ESCO1: variants seen among roughly 807,000 people sequenced by gnomAD.
ESCO1 encodes the protein N-acetyltransferase ESCO1.
Under a neutral mutation model 83.5 loss-of-function variants are expected in ESCO1, and 33 were observed. That is an observed-to-expected ratio of 0.40 (90% CI 0.30 to 0.53). The LOEUF is 0.53. Ranked by LOEUF, ESCO1 falls within the 20% of genes least tolerant of loss-of-function variation. The pLI, the probability that ESCO1 is intolerant of heterozygous loss-of-function variation, is 0.63. For missense variants in ESCO1, 855 were observed against 968.0 expected (o/e 0.88, Z 1.55); for synonymous variants, 332 against 324.3 (o/e 1.02, Z -0.25).
Position 21,566,152 on chromosome 18 carries a change from T to C in ESCO1, c.1700A>G (p.Asp567Gly). ...ILSNQTSKSS[D>G]NRETPRNHSL... ...AATTTAATTAATAGCTTACCTGTTATCACTGCTTTTAGATGTCTGGTTACT... is the reference window on the plus strand; with the variant it reads ...AATTTAATTAATAGCTTACCTGTTACCACTGCTTTTAGATGTCTGGTTACT... The change falls in exon 6 of 12, where the codon GAT becomes GGT. Residue 567 changes from aspartate to glycine, a missense_variant. By Grantham distance (94) the Asp-to-Gly change is moderately conservative (BLOSUM62 -1). Transcript: ENST00000269214. 6.2e-7 allele frequency: 1 copy of C among 1,612,780 alleles called. No individual in the cohort carries two copies. The highest frequency in any genetic ancestry group is 1.3e-5 in the African/African-American group (1 of 74,996).
chr18:21,588,780 G>GTCA (rs1417728521), intron 1 of ESCO1, among the ~76,000 whole-genome samples: 11 of 152,000 alleles, frequency 7.2e-5, no homozygotes, highest in African/African-American at 2.4e-4. Flanking sequence ...GCCGGGCATG[G>GTCA]TGGCGTTCAC....
rs1568106926 is a variant in ESCO1, at chr18:21,574,213, G to C, written c.631C>G (p.Gln211Glu). ...PKGKKRKVEHQTACACSSQCT... is the reference protein window; with the variant it reads ...PKGKKRKVEHETACACSSQCT... ...TGAGAACTACAAGCACAAGCTGTCT[G>C]ATGTTCTACCTTGCGTTTTTTCCCT... The change falls in exon 4 of 12, where the codon CAG becomes GAG. Residue 211 changes from glutamine to glutamate, a missense_variant. Physicochemically the swap from Gln to Glu is conservative, Grantham distance 29. Coordinates refer to ENST00000269214, the MANE Select transcript of ESCO1 (RefSeq NM_052911.3). 1 of 1,613,834 alleles carries C rather than the reference G, an allele frequency of 6.2e-7. No individual in the cohort carries two copies. The highest frequency in any genetic ancestry group is 8.5e-7 in the Non-Finnish European group (1 of 1,180,014).
In ESCO1 at chr18:21,575,219, G is replaced by A. The variant is rs973644427; in HGVS notation, c.-376C>T. ...CAGGCCTAGCTCTATTACTGGAGGAGTTATTTATCAGTGACCTGTTTTGAT... is the reference window on the plus strand; with the variant it reads ...CAGGCCTAGCTCTATTACTGGAGGAATTATTTATCAGTGACCTGTTTTGAT... On this transcript the variant is annotated 5_prime_UTR_variant, in exon 4 of 12. Coordinates refer to ENST00000269214, the MANE Select transcript of ESCO1 (RefSeq NM_052911.3). The A allele has an allele frequency of 2.6e-6, 1 of 383,956 alleles. No individual in the cohort carries two copies. The allele number at this position is 383,956 out of a possible 1,614,324, so 23.8% of individuals were successfully genotyped here.
At chr18:21,598,634 G>A (rs768942727) in intron 1 of ESCO1, among the ~76,000 whole-genome samples, 9 of 151,984 alleles carry the variant, frequency 5.9e-5, no homozygotes, top group African/African-American at 9.7e-5. Context: ...CCCAGGAGGC[G>A]GAGATTGCAG....
chr18:21,530,484 G>A lies in ESCO1; in HGVS notation c.2382C>T (p.Asn794=). ...ASRMIECLRS[N]FIYGSYLSKE... is the part of the protein sequence containing the mutation. ...TGCTCAAATATGAGCCATATATAAA[G>A]TTACTCCTATTAAAAAAAAATGGGG... Residue 794 remains asparagine, a synonymous_variant, in exon 12 of 12, where the codon AAC becomes AAT. Coordinates refer to ENST00000269214, the MANE Select transcript of ESCO1 (RefSeq NM_052911.3). The A allele has an allele frequency of 9.3e-7, 1 of 1,075,680 alleles. No homozygotes were observed. Among genetic ancestry groups the A allele is most frequent in the Non-Finnish European group, 1.3e-6 (1 of 784,524 alleles). The allele number at this position is 1,075,680 out of a possible 1,614,324, so 66.6% of individuals were successfully genotyped here. A position where few individuals can be genotyped will look rare whatever the true frequency, so the allele number is the denominator to read the frequency against.
At chr18:21,582,754 C>G (rs1282576575) in intron 2 of ESCO1, among the ~76,000 whole-genome samples, 6 of 152,174 alleles carry the variant, frequency 3.9e-5, no homozygotes, top group Non-Finnish European at 8.8e-5. Context: ...TCATTTTTCA[C>G]CTATCAAACT....
At chr18:21,536,280 G>C in intron 9 of ESCO1, 95 bp from the exon 10 acceptor site, 1 of 1,356,140 alleles carries the variant, frequency 7.4e-7, no homozygotes, top group Admixed American at 2.2e-5. Context: ...TTTATTCCAA[G>C]CAGGGCATCC....
At chr18:21,589,010 G>C (rs554221375) in intron 1 of ESCO1, among the ~76,000 whole-genome samples, 1 of 152,188 alleles carries the variant, frequency 6.6e-6, no homozygotes, top group Non-Finnish European at 1.5e-5. Context: ...GGGAGGCCGA[G>C]GTGGGCAGGT....
At chr18:21,589,418 T>C (rs2038630312) in intron 1 of ESCO1, among the ~76,000 whole-genome samples, 1 of 151,846 alleles carries the variant, frequency 6.6e-6, no homozygotes, top group Non-Finnish European at 1.5e-5. Context: ...TTTTTCTTTG[T>C]TATTTATTTA....
intron 8 of ESCO1, among the ~76,000 whole-genome samples, chr18:21,547,042 C>G (rs2037982829): frequency 6.6e-6 from 1 of 152,194 alleles, no homozygotes; most frequent in African/African-American, 2.4e-5. Context: ...GCTCTATACC[C>G]TTCTGAGCTC....
Position 21,564,290 on chromosome 18 carries a change from A to G in ESCO1, c.1734T>C (p.Pro578=), listed in dbSNP as rs2146201662. 4 of 1,611,096 alleles carry G rather than the reference A, an allele frequency of 2.5e-6. No individual in the cohort carries two copies. The highest frequency in any genetic ancestry group is 3.4e-6 in the Non-Finnish European group (4 of 1,178,728). Reference sequence around the variant, plus strand: ...TTATCTCCAAATGGGAATTACACTTAGGCAAAGAATGATTTCGTGGTGTCT... The same window carrying G: ...TTATCTCCAAATGGGAATTACACTTGGGCAAAGAATGATTTCGTGGTGTCT... ...NRETPRNHSL[P]KCNSHLEITI... Residue 578 remains proline (P), a synonymous_variant, in exon 7 of 12, where the codon CCT becomes CCC. Transcript: ENST00000269214.
intron 6 of ESCO1, among the ~76,000 whole-genome samples, chr18:21,564,738 C>T (rs2038236768): frequency 6.6e-6 from 1 of 151,806 alleles, no homozygotes; most frequent in Non-Finnish European, 1.5e-5. Context: ...ATTTCAGCTT[C>T]AAGAGAGGGA....
rs1176352180 is a variant in ESCO1, at chr18:21,532,625, G to C, written c.2223C>G (p.Ile741Met). The C allele has an allele frequency of 6.2e-7, 1 of 1,614,100 alleles. No individual in the cohort carries two copies. The highest frequency in any genetic ancestry group is 8.5e-7 in the Non-Finnish European group (1 of 1,180,002). ...YRVIEEKLPV[I>M]RSEEEKVRFE... The stretch of plus-strand genomic sequence containing the variant: ...ATCTGACTTTTTCTTCTTCTGACCT[G>C]ATAACTGGAAGTTTCTCTTCTATAA... The change falls in exon 11 of 12, where the codon ATC becomes ATG. Residue 741 changes from isoleucine (I) to methionine (M), a missense_variant. By Grantham distance (10) the Ile-to-Met change is conservative (BLOSUM62 1). Transcript: ENST00000269214.
chr18:21,553,072 T>C (rs1006728694), intron 8 of ESCO1, among the ~76,000 whole-genome samples: 1 of 152,168 alleles, frequency 6.6e-6, no homozygotes, highest in Non-Finnish European at 1.5e-5. Flanking sequence ...AGAGAACTGA[T>C]TGAGCTCAGG....
intron 1 of ESCO1, among the ~76,000 whole-genome samples, chr18:21,595,601 G>A (rs1265643069): frequency 6.6e-6 from 1 of 151,662 alleles, no homozygotes; most frequent in African/African-American, 2.4e-5. Flanking sequence ...CCGGGAGGCA[G>A]AGCTTGCAGT....
At chr18:21,549,148 T>A (rs572501451) in intron 8 of ESCO1, among the ~76,000 whole-genome samples, 1 of 152,232 alleles carries the variant, frequency 6.6e-6, no homozygotes, top group Non-Finnish European at 1.5e-5. Context: ...TATAAAACCC[T>A]GCTCTAATTT....
rs150422562 is a variant in ESCO1, at chr18:21,567,117, TAA to T, written c.1645+861_1645+862del. On this transcript the variant is annotated intron_variant, in intron 5 of 11. Coordinates refer to ENST00000269214, the MANE Select transcript of ESCO1 (RefSeq NM_052911.3). ...ATACCCTCTGCTGTCTCATCCAATA[TAA>T]GTGACCAAATCCTCATCCAACAGTT... Among the ~76,000 whole-genome samples the T allele has an allele frequency of 4.8e-3, 727 of 152,240 alleles. 3 individuals carry two copies. The highest frequency in any genetic ancestry group is 0.016 in the African/African-American group (676 of 41,546).
chr18:21,561,138 T>G, intron 7 of ESCO1, 148 bp from the exon 8 acceptor site: 1 of 713,186 alleles, frequency 1.4e-6, no homozygotes, highest in Non-Finnish European at 2.0e-6. Flanking sequence ...AATAACACGT[T>G]AATCTGAAAT....
At chr18:21,594,184 C>T (rs1025490253) in intron 1 of ESCO1, among the ~76,000 whole-genome samples, 1 of 152,204 alleles carries the variant, frequency 6.6e-6, no homozygotes, top group African/African-American at 2.4e-5. Flanking sequence ...ACTACTATAA[C>T]AGCAAAGAAC....
Sources: gnomAD v4.1 joint callset for allele counts (sites outside exome capture counted in the v4.1 genomes callset) on GRCh38, gnomAD v4.1.1 for gene constraint, MANE v1.5 for transcripts, NCBI Gene and HGNC (gene_info 2026-07-23, HGNC 2026-07-21) for gene names.